Variants in LIMK1 observed in about 807,000 individuals in gnomAD.
LIMK1 encodes LIM motif-containing protein kinase.
LIMK1 carries 21 observed loss-of-function variants against 77.6 expected under a neutral mutation model. The ratio of observed to expected loss-of-function variants is 0.27; its 90% CI spans 0.19 to 0.39. The LOEUF is 0.39. LIMK1 is among the 10% of genes least tolerant of loss of function. The pLI is 1.00. For synonymous variants in LIMK1, 358 were observed against 370.0 expected (o/e 0.97, Z 0.37); for missense variants, 696 against 901.6 (o/e 0.77, Z 2.92).
intron 2 of LIMK1, among the ~76,000 whole-genome samples, chr7:74,091,882 C>A (rs879947382): frequency 7.4e-6 from 1 of 135,194 alleles, no homozygotes; most frequent in African/African-American, 2.7e-5. Flanking sequence ...AGCCAGCGTG[C>A]GGGAGTGCAG....
At chr7:74,096,537 C>T (rs1384401907) in intron 2 of LIMK1, 85 bp from the exon 3 acceptor site, 1 of 1,551,738 alleles carries the variant, frequency 6.4e-7, no homozygotes, top group African/African-American at 1.4e-5. Context: ...CTAATTCTTA[C>T]AAAGGTGCCT....
intron 13 of LIMK1, among the ~76,000 whole-genome samples, chr7:74,119,130 G>A (rs942964589): frequency 1.7e-4 from 26 of 151,548 alleles, no homozygotes; most frequent in African/African-American, 6.1e-4. Context: ...TGATCCACCC[G>A]CCTCAGCCTC....
intron 9 of LIMK1, 28 bp from the exon 10 acceptor site, chr7:74,108,877 C>T (rs370618844): frequency 3.8e-5 from 61 of 1,608,044 alleles, no homozygotes; most frequent in East Asian, 2.0e-4. Context: ...ACACAGAGCC[C>T]GGGCCCAGCC....
At position 74,085,729 on chromosome 7, in the gene LIMK1, C is replaced by A. The variant is rs1554693951; in HGVS notation, c.56-19C>A. 11 of 1,548,374 alleles carry A rather than the reference C, an allele frequency of 7.1e-6. No homozygotes were observed. The highest frequency in any genetic ancestry group is 9.6e-6 in the Non-Finnish European group (11 of 1,145,430). On this transcript the variant is annotated intron_variant, in intron 1 of 15. Transcript: ENST00000336180. ...CACACTTCCTGAGAATGCTTCCCAA[C>A]TCCCTTCCCACCCTGCAGGAAGCGA...
At chr7:74,084,856 CTGACT>C (rs1323378335) in intron 1 of LIMK1, among the ~76,000 whole-genome samples, 1 of 152,108 alleles carries the variant, frequency 6.6e-6, no homozygotes, top group Non-Finnish European at 1.5e-5. Context: ...AAGGCAGGGC[CTGACT>C]CCACACCTCC....
intron 10 of LIMK1, chr7:74,109,533 C>T: frequency 6.2e-6 from 1 of 161,022 alleles, no homozygotes; most frequent in Non-Finnish European, 1.4e-5. Flanking sequence ...CCAGCCTGGC[C>T]AACATGGTGA....
chr7:74,106,536 G>A (rs908903902), intron 7 of LIMK1, among the ~76,000 whole-genome samples: 1 of 152,188 alleles, frequency 6.6e-6, no homozygotes, highest in Non-Finnish European at 1.5e-5. Context: ...CGAGGCAGGT[G>A]GATCACCTGA....
chr7:74,091,499 A>G (rs1799234566), intron 2 of LIMK1, among the ~76,000 whole-genome samples: 2 of 152,210 alleles, frequency 1.3e-5, no homozygotes, highest in South Asian at 4.1e-4. Flanking sequence ...CCTGGGCAAC[A>G]GAGCGAGACA....
chr7:74,092,805 A>G (rs964853292), intron 2 of LIMK1, among the ~76,000 whole-genome samples: 3 of 152,156 alleles, frequency 2.0e-5, no homozygotes, highest in Admixed American at 6.5e-5. Context: ...GGCGAAGACA[A>G]ACTGTCCATA....
At chr7:74,094,253 G>A (rs1489312221) in intron 2 of LIMK1, 1 of 152,254 alleles carries the variant, frequency 6.6e-6, no homozygotes, top group African/African-American at 2.4e-5. Flanking sequence ...CCGGAGGGAA[G>A]CCAAGTGCAC....
At chr7:74,092,656 C>T (rs1388130412) in intron 2 of LIMK1, among the ~76,000 whole-genome samples, 1 of 152,196 alleles carries the variant, frequency 6.6e-6, no homozygotes, top group South Asian at 2.1e-4. Context: ...GCACAACCCC[C>T]AGGGCTGCCG....
At chr7:74,102,547 G>A (rs745748628) in intron 5 of LIMK1, among the ~76,000 whole-genome samples, 2 of 125,732 alleles carry the variant, frequency 1.6e-5, no homozygotes, top group African/African-American at 5.8e-5. Flanking sequence ...GCAGTGATGC[G>A]ATCACAGCTC....
chr7:74,109,994 C>G (rs1443214195), intron 10 of LIMK1: 3 of 152,098 alleles, frequency 2.0e-5, no homozygotes, highest in African/African-American at 7.2e-5. Flanking sequence ...GGTGTGGACC[C>G]TATGGGCTCC....
At chr7:74,090,638 G>A (rs1189635570) in intron 2 of LIMK1, among the ~76,000 whole-genome samples, 3 of 152,162 alleles carry the variant, frequency 2.0e-5, no homozygotes, top group African/African-American at 4.8e-5. Flanking sequence ...CATTGGGCCC[G>A]GCCCAGACCT....
intron 5 of LIMK1, among the ~76,000 whole-genome samples, chr7:74,101,791 A>G (rs1450879694): frequency 1.5e-5 from 2 of 133,296 alleles, no homozygotes; most frequent in Non-Finnish European, 3.1e-5. Flanking sequence ...AGGAATTTAC[A>G]TATGTATGTC....
rs71094754 is a variant in LIMK1 at position 74,102,484 on chromosome 7, CTT to C, written c.608+3263_608+3264del. Among the ~76,000 whole-genome samples the C allele has an allele frequency of 1.2e-3, 65 of 54,060 alleles. 3 individuals are homozygous for C. Among genetic ancestry groups the C allele is most frequent in the African/African-American group, 3.3e-3 (57 of 17,278 alleles). 35.5% of individuals were successfully genotyped at this position (54,060 alleles called of 152,430 possible). On this transcript the variant is annotated intron_variant, in intron 5 of 15. Coordinates refer to ENST00000336180, the MANE Select transcript of LIMK1 (RefSeq NM_002314.4). ...GATATTCTCAAAAGAAGGACCTTCTCTTTTTTTTTTTTTTTTTTGGAGACAGG... is the reference window on the plus strand; with the variant it reads ...GATATTCTCAAAAGAAGGACCTTCTCTTTTTTTTTTTTTTTTGGAGACAGG...
intron 5 of LIMK1, among the ~76,000 whole-genome samples, chr7:74,100,208 G>A (rs2115676986): frequency 6.6e-6 from 1 of 152,234 alleles, no homozygotes; most frequent in African/African-American, 2.4e-5. Flanking sequence ...CTGCACTCTA[G>A]GCTGGGCAAT....
chr7:74,108,140 C>A (rs1470877599), intron 9 of LIMK1, among the ~76,000 whole-genome samples, 183 bp downstream of exon 9: 1 of 151,130 alleles, frequency 6.6e-6, no homozygotes, highest in Non-Finnish European at 1.5e-5. Flanking sequence ...TACTTTGAGA[C>A]CAACCTGGGC....
intron 1 of LIMK1, 89 bp downstream of exon 1, chr7:74,084,134 G>A (rs1213304930): frequency 3.2e-6 from 2 of 627,582 alleles, no homozygotes; most frequent in Non-Finnish European, 2.6e-6. Flanking sequence ...CTGCCAGGAG[G>A]CCGCGCCCCT....
Sources: allele counts gnomAD v4.1 joint callset (sites outside exome capture counted in the v4.1 genomes callset), GRCh38; gene constraint gnomAD v4.1.1; transcripts MANE v1.5; gene names NCBI Gene and HGNC (gene_info 2026-07-23, HGNC 2026-07-21).